Variants in ATXN2 observed in about 807,000 individuals in gnomAD.
The protein encoded by ATXN2 is ataxin-2.
In ATXN2, 37 loss-of-function variants were observed where a neutral mutation model predicts 138.6. That is an observed-to-expected ratio of 0.27 (90% CI 0.21 to 0.35). The LOEUF (loss-of-function observed/expected upper bound fraction) is 0.35, where lower values mean the gene tolerates loss of function less well. Ranked by LOEUF, ATXN2 falls within the 10% of genes least tolerant of loss-of-function variation. The pLI is 1.00. For missense variants in ATXN2, 1,216 were observed against 1,480.3 expected (o/e 0.82, Z 2.93); for synonymous variants, 549 against 543.7 (o/e 1.01, Z -0.13).
chr12:111,562,740 A>T (rs952236785), intron 1 of ATXN2, among the ~76,000 whole-genome samples: 1 of 151,694 alleles, frequency 6.6e-6, no homozygotes, highest in East Asian at 1.9e-4. Context: ...AAAAAAAAAA[A>T]AAAAATGTAG....
At chr12:111,581,472 TG>T in intron 1 of ATXN2, 5 of 940,456 alleles carry the variant, frequency 5.3e-6, no homozygotes, top group Non-Finnish European at 7.0e-6. Flanking sequence ...GTGGCTGTGC[TG>T]GGGGCACCCC....
intron 16 of ATXN2, among the ~76,000 whole-genome samples, chr12:111,486,160 C>T (rs1000958566): frequency 2.0e-5 from 3 of 152,084 alleles, no homozygotes; most frequent in African/African-American, 7.2e-5. Flanking sequence ...TGATCTCAGT[C>T]GAATAATAAC....
At chr12:111,539,368 G>C (rs764543300) in intron 5 of ATXN2, among the ~76,000 whole-genome samples, 2 of 149,908 alleles carry the variant, frequency 1.3e-5, no homozygotes, top group Non-Finnish European at 3.0e-5. Context: ...CAGAGAGAAA[G>C]AGAGAAATAA....
intron 18 of ATXN2, among the ~76,000 whole-genome samples, chr12:111,472,192 G>A (rs1385556835): frequency 6.6e-6 from 1 of 152,142 alleles, no homozygotes; most frequent in Non-Finnish European, 1.5e-5. Context: ...TTTTCAGCCA[G>A]GGAGGCAGAT....
intron 1 of ATXN2, among the ~76,000 whole-genome samples, chr12:111,575,622 A>G (rs1279499312): frequency 6.6e-6 from 1 of 152,068 alleles, no homozygotes; most frequent in Middle Eastern, 3.2e-3. Context: ...ACTACCACAT[A>G]AGCTCCAAAA....
At chr12:111,523,675 G>A (rs202022194) in intron 6 of ATXN2, among the ~76,000 whole-genome samples, 4 of 151,866 alleles carry the variant, frequency 2.6e-5, no homozygotes, top group African/African-American at 4.8e-5. Flanking sequence ...ACAGGGAGCC[G>A]AGATCGCACC....
At chr12:111,525,917 A>C (rs565134598) in intron 5 of ATXN2, among the ~76,000 whole-genome samples, 1 of 151,944 alleles carries the variant, frequency 6.6e-6, no homozygotes, top group East Asian at 1.9e-4. Context: ...CTCCTGACCT[A>C]GTGATACCCC....
intron 17 of ATXN2, 28 bp from the exon 18 acceptor site, chr12:111,485,359 A>G (rs1238626998): frequency 3.2e-6 from 5 of 1,570,818 alleles, no homozygotes; most frequent in Non-Finnish European, 4.4e-6. Context: ...AAAAATTAAC[A>G]TTAGGCACCT....
At chr12:111,587,933 C>G (rs1047419944) in intron 1 of ATXN2, among the ~76,000 whole-genome samples, 1 of 152,080 alleles carries the variant, frequency 6.6e-6, no homozygotes, top group African/African-American at 2.4e-5. Context: ...TGGCTCACAC[C>G]TGTAACACCA....
rs916800542 is a variant in ATXN2, at chr12:111,470,423, A to C, written c.2709+135T>G. Reference sequence around the variant, plus strand: ...ATCAGTAACCTTCGAATATATATTGAAAAGGGTCCCCAAGTCCTTAGCTAT... The same window carrying C: ...ATCAGTAACCTTCGAATATATATTGCAAAGGGTCCCCAAGTCCTTAGCTAT... On this transcript the variant is annotated intron_variant, in intron 19 of 24. Coordinates refer to ENST00000673436, the MANE Select transcript of ATXN2 (RefSeq NM_001372574.1). The C allele has an allele frequency of 8.5e-6, 10 of 1,174,826 alleles. No homozygotes were observed. In the Admixed American group the frequency reaches 2.4e-4, roughly 28 times the overall value. The allele number at this position is 1,174,826 out of a possible 1,614,324, so 72.8% of individuals were successfully genotyped here.
In ATXN2 at chr12:111,533,457, G is replaced by A. The variant is rs570920593; in HGVS notation, c.572-8141C>T. 4.0e-5 allele frequency among the ~76,000 whole-genome samples: 6 copies of A among 151,640 alleles called. No homozygotes were observed. In the South Asian group the frequency reaches 1.2e-3, roughly 32 times the overall value. On this transcript the variant is annotated intron_variant, in intron 5 of 24. Transcript: ENST00000673436. ...GTTGTGGTACTGCTTAAGGAATAATGACAAGAAAAAAAGTCTGTACATGTT... is the reference window on the plus strand; with the variant it reads ...GTTGTGGTACTGCTTAAGGAATAATAACAAGAAAAAAAGTCTGTACATGTT...
chr12:111,553,834 C>T (rs1882253466), intron 3 of ATXN2, among the ~76,000 whole-genome samples: 1 of 151,890 alleles, frequency 6.6e-6, no homozygotes, highest in African/African-American at 2.4e-5. Flanking sequence ...CTTGTGAGCT[C>T]AAGCCATCTG....
At position 111,598,926 on chromosome 12, in the gene ATXN2, G is replaced by T; in HGVS notation, c.109C>A (p.Arg37Ser). The T allele has an allele frequency of 6.6e-7, 1 of 1,512,860 alleles. No homozygotes were observed. 93.7% of individuals were successfully genotyped at this position (1,512,860 alleles called of 1,614,324 possible). The change falls in exon 1 of 25, where the codon CGC (arginine) becomes AGC (serine). Residue 37 changes from arginine (R) to serine (S), a missense_variant. By Grantham distance (110) the Arg-to-Ser change is moderately radical. Coordinates refer to ENST00000673436, the MANE Select transcript of ATXN2 (RefSeq NM_001372574.1). This position sits in a 1 kb window ranked among gnomAD's most constrained non-coding sequence, Gnocchi z 4.5. ...AGAAGGCCGCTGCCGCCGGGCTTGC[G>T]GACATTGGCAGCCGCGGGCGGCGGC... is the stretch of plus-strand genomic sequence containing the variant. ...QQPPPAAANV[R>S]KPGGSGLLAS...
rs139856842 is a variant in ATXN2 at position 111,517,181 on chromosome 12, A to G, written c.1166-818T>C. Among the ~76,000 whole-genome samples the G allele has an allele frequency of 4.9e-3, 731 of 149,954 alleles. 2 individuals are homozygous for G. Among genetic ancestry groups the G allele is most frequent in the Non-Finnish European group, 7.4e-3 (493 of 66,660 alleles). ...CAGCTAGTATTTAACATTACATATC[A>G]CTTACCTTAATCTTATCAAACAGTC... On this transcript the variant is annotated intron_variant, in intron 9 of 24. Coordinates refer to ENST00000673436, the MANE Select transcript of ATXN2 (RefSeq NM_001372574.1).
chr12:111,487,094 T>TC (rs1490926702), intron 15 of ATXN2, among the ~76,000 whole-genome samples: 2 of 152,120 alleles, frequency 1.3e-5, no homozygotes, highest in East Asian at 3.8e-4. Flanking sequence ...TTTTTTTTTT[T>TC]CCTTCACAGA....
intron 1 of ATXN2, among the ~76,000 whole-genome samples, chr12:111,572,973 G>C (rs978895771): frequency 6.6e-6 from 1 of 151,700 alleles, no homozygotes; most frequent in Non-Finnish European, 1.5e-5. Flanking sequence ...AGTAACAACA[G>C]ACTATCTGCC....
At chr12:111,523,325 T>C (rs1880294187) in intron 6 of ATXN2, among the ~76,000 whole-genome samples, 6 of 152,212 alleles carry the variant, frequency 3.9e-5, no homozygotes, top group Admixed American at 3.3e-4. Flanking sequence ...TGGAACACCA[T>C]TCTTTTTGGG....
chr12:111,583,735 C>A (rs1884144696), intron 1 of ATXN2, among the ~76,000 whole-genome samples: 2 of 135,676 alleles, frequency 1.5e-5, no homozygotes, highest in African/African-American at 5.6e-5. Flanking sequence ...CCATTGCACT[C>A]CAGCCTGGGC....
intron 2 of ATXN2, among the ~76,000 whole-genome samples, chr12:111,555,451 T>C (rs751265332): frequency 6.6e-6 from 1 of 152,146 alleles, no homozygotes; most frequent in Non-Finnish European, 1.5e-5. Flanking sequence ...GCTGCTCTCA[T>C]GATAGTGAGT....
Sources: gnomAD v4.1 joint callset for allele counts (sites outside exome capture counted in the v4.1 genomes callset) on GRCh38, gnomAD v4.1.1 for gene constraint, Gnocchi (gnomAD v3.1) non-coding constraint, MANE v1.5 for transcripts, NCBI Gene and HGNC (gene_info 2026-07-23, HGNC 2026-07-21) for gene names.